The following USP16 variants were observed in gnomAD, a reference collection of about 807,000 sequenced individuals.
USP16 encodes the protein ubiquitin specific peptidase 16.
USP16 carries 77 observed loss-of-function variants against 95.9 expected under a neutral mutation model. That is an observed-to-expected ratio of 0.80 (90% confidence interval 0.67 to 0.97). The LOEUF (loss-of-function observed/expected upper bound fraction) is 0.97, where lower values mean the gene tolerates loss of function less well. Among genes scored for constraint, USP16 ranks in the 50% least tolerant of loss-of-function variants. USP16 has a pLI of 0.00. For synonymous variants in USP16, 303 were observed against 318.2 expected (o/e 0.95, Z 0.51); for missense variants, 943 against 959.9 (o/e 0.98, Z 0.23).
intron 1 of USP16, among the ~76,000 whole-genome samples, chr21:29,025,162 C>T (rs766729662): frequency 3.3e-5 from 5 of 152,212 alleles, no homozygotes; most frequent in Non-Finnish European, 5.9e-5. Flanking sequence ...AAAGCAGGAT[C>T]TGTCACTTAT....
At position 29,036,335 on chromosome 21, in the gene USP16, T is replaced by G. The variant is rs1278831983; in HGVS notation, c.409T>G (p.Tyr137Asp). 1 of 1,613,974 alleles carries G rather than the reference T, an allele frequency of 6.2e-7. No homozygotes were observed. Among genetic ancestry groups the G allele is most frequent in the South Asian group, 1.1e-5 (1 of 91,072 alleles). ...SSNQLGQVVD[Y>D]VRKQASITTP... ...AAACCAGTTGGGTCAAGTGGTTGAT[T>G]ATGTCAGAAAACAAGCCAGCATTAC... Residue 137 changes from tyrosine (Y) to aspartate (D), a missense_variant, in exon 5 of 18, where the codon TAT becomes GAT. Coordinates refer to ENST00000399976, the MANE Select transcript of USP16 (RefSeq NM_006447.3).
In USP16 at chr21:29,038,360, G is replaced by C; in HGVS notation, c.662G>C (p.Arg221Thr). Residue 221 changes from arginine to threonine, a missense_variant, in exon 7 of 18, where the codon AGA becomes ACA. Coordinates refer to ENST00000399976, the MANE Select transcript of USP16 (RefSeq NM_006447.3). ...MQNLSQTPVL[R>T]ELLKEVKMSG... ...AACTTGTCACAAACACCAGTGCTTAGAGAACTACTAAAAGAAGTGAAAATG... is the reference window on the plus strand; with the variant it reads ...AACTTGTCACAAACACCAGTGCTTACAGAACTACTAAAAGAAGTGAAAATG... 6.2e-7 allele frequency: 1 copy of C among 1,612,338 alleles called. No individual in the cohort carries two copies. Among genetic ancestry groups the C allele is most frequent in the East Asian group, 2.2e-5 (1 of 44,814 alleles).
At chr21:29,037,518 G>C in intron 6 of USP16, 55 bp downstream of exon 6, 1 of 1,338,582 alleles carries the variant, frequency 7.5e-7, no homozygotes, top group Non-Finnish European at 9.8e-7. Flanking sequence ...CATAGAATCT[G>C]CTACTTACAT....
intron 13 of USP16, among the ~76,000 whole-genome samples, chr21:29,045,341 C>A (rs1026681429): frequency 1.3e-5 from 2 of 152,250 alleles, no homozygotes; most frequent in Admixed American, 6.5e-5. Flanking sequence ...TTAGGCATTT[C>A]AGTAACAGGA....
rs771923450 is a variant in USP16 at position 29,037,324 on chromosome 21, AAG to A, written c.502_503del (p.Ser168Ter). The A allele has an allele frequency of 2.4e-5, 38 of 1,572,442 alleles. No individual in the cohort carries two copies. Among genetic ancestry groups the A allele is most frequent in the South Asian group, 2.4e-4 (20 of 84,484 alleles). Reference sequence around the variant, plus strand: ...GAACTTGAAAATAAAAAATTAGAAAAAGAGAGTAAGAATGAACAAGAGAGAGA... The same window carrying A: ...GAACTTGAAAATAAAAAATTAGAAAAAGAGTAAGAATGAACAAGAGAGAGA... On this transcript the variant is annotated frameshift_variant, in exon 6 of 18. Transcript: ENST00000399976. LOFTEE classifies it high-confidence loss of function.
intron 10 of USP16, 38 bp downstream of exon 10, chr21:29,040,725 A>G: frequency 8.7e-7 from 1 of 1,151,182 alleles, no homozygotes; most frequent in Non-Finnish European, 1.3e-6. Flanking sequence ...ACTATAGTTG[A>G]ATTCCTCTGT....
At chr21:29,039,685 A>G (rs1187167781) in intron 9 of USP16, 117 bp downstream of exon 9, 11 of 1,006,892 alleles carry the variant, frequency 1.1e-5, no homozygotes, top group Non-Finnish European at 1.4e-5. Context: ...CATACTTTAA[A>G]ATTTTTTCTT....
At position 29,047,314 on chromosome 21, in the gene USP16, T is replaced by C; in HGVS notation, c.2004T>C (p.Asn668=). ...TRRQCNGPKA[N]IKGERKHVYT... ...GACAGTGTAATGGACCAAAGGCAAA[T>C]ATAAAAGGTATTTTAATGCTCTCAC... The change falls in exon 14 of 18, where the codon AAT becomes AAC. Residue 668 remains asparagine (N), a synonymous_variant. Coordinates refer to ENST00000399976, the MANE Select transcript of USP16 (RefSeq NM_006447.3). 1.2e-6 allele frequency: 2 copies of C among 1,603,864 alleles called. No individual in the cohort carries two copies. The highest frequency in any genetic ancestry group is 1.7e-6 in the Non-Finnish European group (2 of 1,175,300).
intron 3 of USP16, among the ~76,000 whole-genome samples, chr21:29,031,052 T>C (rs1270896241): frequency 6.6e-6 from 1 of 152,154 alleles, no homozygotes; most frequent in East Asian, 1.9e-4. Context: ...CTTGCCTGAA[T>C]TGAGGCAAGG....
At chr21:29,051,255 AGT>A (rs1170664081) in intron 16 of USP16, among the ~76,000 whole-genome samples, 1 of 152,208 alleles carries the variant, frequency 6.6e-6, no homozygotes, top group Non-Finnish European at 1.5e-5. Context: ...GATACATTTG[AGT>A]GTCAGATACC....
Position 29,037,312 on chromosome 21 carries a change from A to C in USP16, c.485A>C (p.Lys162Thr). 1 of 1,563,104 alleles carries C rather than the reference A, an allele frequency of 6.4e-7. No individual in the cohort carries two copies. The highest frequency in any genetic ancestry group is 8.7e-7 in the Non-Finnish European group (1 of 1,153,336). The stretch of plus-strand genomic sequence containing the variant: ...AATGGAAATATTGAACTTGAAAATA[A>C]AAAATTAGAAAAAGAGAGTAAGAAT... ...KDNGNIELEN[K>T]KLEKESKNEQ... The change falls in exon 6 of 18, where the codon AAA (lysine) becomes ACA (threonine). Residue 162 changes from lysine (K) to threonine (T), a missense_variant. Transcript: ENST00000399976.
intron 13 of USP16, among the ~76,000 whole-genome samples, chr21:29,044,357 C>T (rs1477302278): frequency 1.3e-5 from 2 of 151,962 alleles, no homozygotes; most frequent in Admixed American, 1.3e-4. Flanking sequence ...TTCCCCCTTT[C>T]TCACCATTCA....
In USP16 at chr21:29,046,885, A is replaced by C. The variant is rs559009761; in HGVS notation, c.1575A>C (p.Val525=). ...GCCAAGCAAAAATGATCGAAAGTGT[A>C]ACTGACAATCAAAAATCCACAGAGG... The part of the protein sequence containing the change: ...LNGQAKMIES[V]TDNQKSTEEV... The change falls in exon 14 of 18, where the codon GTA becomes GTC. Residue 525 remains valine, a synonymous_variant. Transcript: ENST00000399976. 47 of 1,614,188 alleles carry C rather than the reference A, an allele frequency of 2.9e-5. 1 individual carries two copies. The South Asian group carries it at 4.7e-4, about 16-fold the overall frequency.
chr21:29,035,943 C>A lies in USP16; in HGVS notation c.345-328C>A, dbSNP rs887827399. ...AAAAAAAACCAAAAAACAAAACAAA[C>A]AAAAAAAAGTTGTTATTTTTGTTAG... On this transcript the variant is annotated intron_variant, in intron 4 of 17. Coordinates refer to ENST00000399976, the MANE Select transcript of USP16 (RefSeq NM_006447.3). Among the ~76,000 whole-genome samples, 16 of 151,816 alleles carry A rather than the reference C, an allele frequency of 1.1e-4. No homozygotes were observed. In the South Asian group the frequency reaches 1.9e-3, roughly 18 times the overall value.
At chr21:29,041,984 G>A (rs761460283) in intron 10 of USP16, 29 bp from the exon 11 acceptor site, 30 of 1,568,416 alleles carry the variant, frequency 1.9e-5, no homozygotes, top group Admixed American at 1.2e-4. Context: ...ACGGTAATTG[G>A]TAATTGATAG....
chr21:29,041,862 A>G, intron 10 of USP16, 151 bp from the exon 11 acceptor site: 1 of 636,488 alleles, frequency 1.6e-6, no homozygotes, highest in Non-Finnish European at 2.7e-6. Context: ...CTATTGCTTA[A>G]AAAAGGTGAT....
chr21:29,035,044 G>A (rs1334800433), intron 4 of USP16, 104 bp downstream of exon 4: 2 of 1,128,522 alleles, frequency 1.8e-6, no homozygotes, highest in African/African-American at 1.6e-5. Flanking sequence ...AATTTTTGTA[G>A]TATGTTTTAA....
At chr21:29,034,580 G>A (rs1411699502) in intron 3 of USP16, among the ~76,000 whole-genome samples, 1 of 152,136 alleles carries the variant, frequency 6.6e-6, no homozygotes, top group Non-Finnish European at 1.5e-5. Flanking sequence ...GCCTCCCAAA[G>A]TGCTGGGATT....
intron 13 of USP16, among the ~76,000 whole-genome samples, chr21:29,044,447 C>CTTTTTTTTT (rs5843364): frequency 8.3e-6 from 1 of 120,594 alleles, no homozygotes; most frequent in Non-Finnish European, 1.7e-5. Flanking sequence ...CTTCTTCATT[C>CTTTTTTTTT]TTTTTTTTTT....
Sources: gnomAD v4.1 joint callset for allele counts (sites outside exome capture counted in the v4.1 genomes callset) on GRCh38, gnomAD v4.1.1 for gene constraint, MANE v1.5 for transcripts, NCBI Gene and HGNC (gene_info 2026-07-23, HGNC 2026-07-21) for gene names.